Variants in PKD1L3 observed in about 807,000 individuals in gnomAD.
PKD1L3 encodes polycystin-1-like protein 3.
A neutral mutation model predicts 184.1 loss-of-function variants in PKD1L3; 239 were observed. That is an observed-to-expected ratio of 1.30 (90% CI 1.17 to 1.45). The LOEUF (loss-of-function observed/expected upper bound fraction) is 1.45, where lower values mean the gene tolerates loss of function less well. PKD1L3 is among the 40% of genes most tolerant of loss of function. The pLI, the probability that PKD1L3 is intolerant of heterozygous loss-of-function variation, is 0.00. For synonymous variants in PKD1L3, 996 were observed against 778.8 expected, an observed-to-expected ratio of 1.28 and a Z score of -4.64; for missense variants, 2,660 against 2,067.2, an observed-to-expected ratio of 1.29 and a Z score of -5.56.
At chr16:71,964,513 A>AT (rs1256877158) in intron 15 of PKD1L3, among the ~76,000 whole-genome samples, 1 of 150,832 alleles carries the variant, frequency 6.6e-6, no homozygotes, top group Admixed American at 6.6e-5. Context: ...TAGTTTTTGT[A>AT]TTTTTAGTAG....
intron 17 of PKD1L3, 64 bp downstream of exon 17, chr16:71,954,041 C>A (rs2038951142): frequency 1.5e-6 from 2 of 1,335,156 alleles, no homozygotes; most frequent in African/African-American, 1.6e-5. Context: ...CAGAGCAAGA[C>A]CCTGTCTCAA....
chr16:71,947,662 GAAGAGGTGGGC>G, intron 21 of PKD1L3, 71 bp from the exon 22 acceptor site: 2 of 1,008,196 alleles, frequency 2.0e-6, no homozygotes, highest in Non-Finnish European at 2.9e-6. Flanking sequence ...GTATGTAAAG[GAAGAGGTGGGC>G]ACTCATGAAA....
intron 2 of PKD1L3, among the ~76,000 whole-genome samples, chr16:71,996,524 T>C (rs2040792200): frequency 6.6e-6 from 1 of 152,160 alleles, no homozygotes; most frequent in Non-Finnish European, 1.5e-5. Flanking sequence ...CCTCCCAAAG[T>C]GCTGGGATTA....
Position 71,937,429 on chromosome 16 carries a change from A to C in PKD1L3, c.4325-10T>G, listed in dbSNP as rs1434407232. 4 of 1,549,384 alleles carry C rather than the reference A, an allele frequency of 2.6e-6. No homozygotes were observed. The highest frequency in any genetic ancestry group is 3.3e-4 in the Middle Eastern group (2 of 5,998). On this transcript the variant is annotated splice_polypyrimidine_tract_variant and intron_variant, in intron 24 of 29. Coordinates refer to ENST00000620267, the MANE Select transcript of PKD1L3 (RefSeq NM_181536.2). ...GAGGTGAAGAAAGCACCTGAGAATAACAAAGAACACCTGGAGTCAAGAGTC... is the reference window on the plus strand; with the variant it reads ...GAGGTGAAGAAAGCACCTGAGAATACCAAAGAACACCTGGAGTCAAGAGTC...
intron 23 of PKD1L3, 145 bp downstream of exon 23, chr16:71,943,885 T>A (rs142428438): frequency 0.015 from 14,612 of 997,204 alleles, 180 homozygotes; most frequent in Middle Eastern, 0.023. Context: ...TCCCACCTGC[T>A]TTACTGGAAT....
chr16:71,985,292 T>C (rs1240815642), intron 5 of PKD1L3, among the ~76,000 whole-genome samples: 1 of 152,112 alleles, frequency 6.6e-6, no homozygotes, highest in Admixed American at 6.5e-5. Context: ...TGCAAGCAGA[T>C]CCAGAGTGAA....
intron 15 of PKD1L3, among the ~76,000 whole-genome samples, chr16:71,966,840 C>A (rs976084715): frequency 6.6e-6 from 1 of 152,108 alleles, no homozygotes; most frequent in African/African-American, 2.4e-5. Context: ...TAATTTGTGG[C>A]ACTTTCAGGC....
At chr16:71,954,599 G>C (rs901600770) in intron 16 of PKD1L3, among the ~76,000 whole-genome samples, 3 of 152,240 alleles carry the variant, frequency 2.0e-5, no homozygotes, top group African/African-American at 7.2e-5. Context: ...TAAGAGTTTT[G>C]ATGAATTTTT....
rs1412110102 is a variant in PKD1L3, at chr16:71,984,100, T to C, written c.902A>G (p.Gln301Arg). The C allele has an allele frequency of 1.3e-6, 2 of 1,552,192 alleles. No individual in the cohort carries two copies. The highest frequency in any genetic ancestry group is 1.4e-5 in the African/African-American group (1 of 73,172). Residue 301 changes from glutamine to arginine, a missense_variant, in exon 6 of 30, where the codon CAG becomes CGG. Gln to Arg is a conservative substitution (Grantham distance 43, BLOSUM62 1). Coordinates refer to ENST00000620267, the MANE Select transcript of PKD1L3 (RefSeq NM_181536.2). ...TTTCTGGAGGAACTCACAAGCTTCC[T>C]GTAGTTTGTTAAGAGCTTGCAAACC... ...VHGLQALNKLQEACEFLQKLT... is the reference protein window; with the variant it reads ...VHGLQALNKLREACEFLQKLT...
Position 71,942,544 on chromosome 16 carries a change from G to A in PKD1L3, c.4324+16C>T. 3.9e-6 allele frequency: 6 copies of A among 1,537,280 alleles called. No individual in the cohort carries two copies. The highest frequency in any genetic ancestry group is 5.3e-6 in the Non-Finnish European group (6 of 1,136,150). On this transcript the variant is annotated intron_variant, in intron 24 of 29. Coordinates refer to ENST00000620267, the MANE Select transcript of PKD1L3 (RefSeq NM_181536.2). ...TTTGCTACGTGTGGTTGAATTCCAG[G>A]GGTCACTCCAGTTACCTCTCATGAT... is the stretch of plus-strand genomic sequence containing the variant.
Position 71,970,076 on chromosome 16 carries a change from T to C in PKD1L3, c.1983A>G (p.Thr661=), listed in dbSNP as rs1234147951. Residue 661 remains threonine, a synonymous_variant, in exon 13 of 30, where the codon ACA becomes ACG. Coordinates refer to ENST00000620267, the MANE Select transcript of PKD1L3 (RefSeq NM_181536.2). ...AGGTCAGGTGGTTACAGAGACACTG[T>C]GTCCTCAGAATTGTGCTCTGTGGCC... ...QVGPQSTILR[T]QCLCNHLTFF... 1.3e-6 allele frequency: 2 copies of C among 1,551,584 alleles called. No homozygotes were observed. The highest frequency in any genetic ancestry group is 1.7e-6 in the Non-Finnish European group (2 of 1,146,994).
Position 71,935,493 on chromosome 16 carries a change from C to T in PKD1L3, c.4478G>A (p.Trp1493Ter). 2 of 1,552,160 alleles carry T rather than the reference C, an allele frequency of 1.3e-6. No homozygotes were observed. Among genetic ancestry groups the T allele is most frequent in the Non-Finnish European group, 1.7e-6 (2 of 1,147,084 alleles). The change falls in exon 26 of 30, where the codon TGG becomes TAG. Residue 1493 changes from tryptophan (W) to a stop codon, truncating the protein, a stop_gained. Transcript: ENST00000620267. LOFTEE classifies it high-confidence loss of function. ...GTTTCTTTTCCCAGTGAAGAACCTCCACTTCTGCTGTTTCAGCTGACAACC... is the reference window on the plus strand; with the variant it reads ...GTTTCTTTTCCCAGTGAAGAACCTCTACTTCTGCTGTTTCAGCTGACAACC... ...IQGCQLKQQK[W>*]RFFTGKRNIL...
At chr16:71,961,631 TGTGA>T (rs2039284040) in intron 16 of PKD1L3, among the ~76,000 whole-genome samples, 1 of 151,972 alleles carries the variant, frequency 6.6e-6, no homozygotes, top group South Asian at 2.1e-4. Flanking sequence ...CTGCTGACCT[TGTGA>T]GCGAATCATT....
chr16:71,958,913 G>T (rs7186712), intron 16 of PKD1L3, among the ~76,000 whole-genome samples: 3 of 148,560 alleles, frequency 2.0e-5, no homozygotes, highest in African/African-American at 5.0e-5. Context: ...AGAGTGAAAC[G>T]CCGTCTCTAA....
chr16:71,977,301 T>C lies in PKD1L3; in HGVS notation c.1694A>G (p.Tyr565Cys), dbSNP rs745866682. 5.2e-6 allele frequency: 8 copies of C among 1,543,960 alleles called. No homozygotes were observed. Among genetic ancestry groups the C allele is most frequent in the East Asian group, 4.9e-5 (2 of 40,898 alleles). ...GTGGAAGTGAGTGCAGTTAGGCTGA[T>C]ACTGGAACCCCAGGTAGAGTGTCAT... Reference protein sequence around the residue: ...LLMTLYLGFQYQPNCTHFHLN... With the variant: ...LLMTLYLGFQCQPNCTHFHLN... The change falls in exon 11 of 30, where the codon TAT (tyrosine) becomes TGT (cysteine). Residue 565 changes from tyrosine (Y) to cysteine (C), a missense_variant. Transcript: ENST00000620267.
At chr16:71,976,161 T>C (rs924906590) in intron 11 of PKD1L3, among the ~76,000 whole-genome samples, 1 of 151,818 alleles carries the variant, frequency 6.6e-6, no homozygotes, top group African/African-American at 2.4e-5. Context: ...TGGGCCAGCG[T>C]AGTCTTAAAC....
intron 16 of PKD1L3, among the ~76,000 whole-genome samples, chr16:71,962,162 G>T (rs544750252): frequency 6.6e-6 from 1 of 152,176 alleles, no homozygotes; most frequent in South Asian, 2.1e-4. Flanking sequence ...GGCCTCAAGT[G>T]ATTTGTCCAC....
chr16:71,976,264 CTTTTTTTTTTTT>C (rs71153688), intron 11 of PKD1L3, among the ~76,000 whole-genome samples: 1 of 81,776 alleles, frequency 1.2e-5, no homozygotes, highest in African/African-American at 4.8e-5. Flanking sequence ...CCCAGCCTGT[CTTTTTTTTTTTT>C]TTTTAAGACA....
rs551547403 is a variant in PKD1L3 at position 71,971,273 on chromosome 16, G to GT, written c.1954-1169dup. On this transcript the variant is annotated intron_variant, in intron 12 of 29. Transcript: ENST00000620267. ...TGATAAAGCTGAATGTGCATTCAAT[G>GT]TTTTTTATTATTCTTTATGGCTTTC... Among the ~76,000 whole-genome samples, 144 of 152,252 alleles carry GT rather than the reference G, an allele frequency of 9.5e-4. 1 individual carries two copies. The highest frequency in any genetic ancestry group is 3.4e-3 in the Middle Eastern group (1 of 294).
Sources: gnomAD v4.1 joint callset for allele counts (sites outside exome capture counted in the v4.1 genomes callset) on GRCh38, gnomAD v4.1.1 for gene constraint, MANE v1.5 for transcripts, NCBI Gene and HGNC (gene_info 2026-07-23, HGNC 2026-07-21) for gene names.